The following SLC2A4 variants were observed in gnomAD, a reference collection of about 807,000 sequenced individuals.
SLC2A4 encodes solute carrier family 2, facilitated glucose transporter member 4.
SLC2A4 carries 31 observed loss-of-function variants against 53.3 expected under a neutral mutation model. That is an observed-to-expected ratio of 0.58 (90% CI 0.44 to 0.78). The LOEUF is 0.78. SLC2A4 is among the 30% of genes least tolerant of loss of function. The probability of loss-of-function intolerance (pLI) is 0.00; values close to 1 mark genes in which losing one functional copy is unlikely to be tolerated. For synonymous variants in SLC2A4, 276 were observed against 281.9 expected (o/e 0.98, Z 0.21); for missense variants, 538 against 655.7 (o/e 0.82, Z 1.96).
rs763731483 is a variant in SLC2A4 at position 7,284,866 on chromosome 17, C to A, written c.947C>A (p.Thr316Lys). Residue 316 changes from threonine to lysine, a missense_variant, in exon 8 of 11, where the codon ACA becomes AAA. By Grantham distance (78) the Thr-to-Lys change is moderately conservative (BLOSUM62 -1). Transcript: ENST00000317370. The surrounding 1 kb of genome is among the most constrained non-coding windows in gnomAD (Gnocchi z 7.5). ...VFYYSTSIFE[T>K]AGVGQPAYAT... ...TATTATTCGACCAGCATCTTCGAGA[C>A]AGCAGGGGTAGGCCAGCCTGCCTAT... The A allele has an allele frequency of 1.9e-6, 3 of 1,614,110 alleles. No individual in the cohort carries two copies. Among genetic ancestry groups the A allele is most frequent in the Admixed American group, 3.3e-5 (2 of 60,010 alleles).
rs140103673 is a variant in SLC2A4, at chr17:7,285,715, C to T, written c.1133C>T (p.Pro378Leu). ...CTGTCTGGCCCCTAGGAGCGAGTTC[C>T]AGCCATGAGCTACGTCTCCATTGTG... is the stretch of plus-strand genomic sequence containing the variant. The part of the protein sequence containing the change: ...TVALLLLERV[P>L]AMSYVSIVAI... The change falls in exon 10 of 11, where the codon CCA (proline) becomes CTA (leucine). Residue 378 changes from proline to leucine, a missense_variant. Transcript: ENST00000317370. This position sits in a 1 kb window ranked among gnomAD's most constrained non-coding sequence, Gnocchi z 6.0. The T allele has an allele frequency of 5.0e-6, 8 of 1,614,084 alleles. No individual in the cohort carries two copies. In the African/African-American group the frequency reaches 9.3e-5, roughly 19 times the overall value.
chr17:7,286,254 C>T, intron 10 of SLC2A4, 172 bp from the exon 11 acceptor site: 2 of 743,000 alleles, frequency 2.7e-6, no homozygotes, highest in Non-Finnish European at 4.9e-6. Context: ...TCAGAGAATC[C>T]TCTTTTCAGT....
rs575200733 is a variant in SLC2A4, at chr17:7,286,944, G to C, written c.*315G>C. On this transcript the variant is annotated 3_prime_UTR_variant, in exon 11 of 11. Transcript: ENST00000317370. ...GACTCAGCTCCAGAATACCTTCTTC[G>C]CTGCTAGAGAAGGGGGATTGGAGGG... 3 of 377,056 alleles carry C rather than the reference G, an allele frequency of 8.0e-6. No homozygotes were observed. The highest frequency in any genetic ancestry group is 6.3e-5 in the African/African-American group (3 of 47,784). 23.4% of individuals were successfully genotyped at this position (377,056 alleles called of 1,614,324 possible).
Position 7,285,214 on chromosome 17 carries a change from C to G in SLC2A4, c.1122+25C>G. ...GGTAAGGCCTGGAGGCTAGGAGGGG[C>G]TAGCAGCCCACCCCATGGGAATGGT... On this transcript the variant is annotated intron_variant, in intron 9 of 10. Transcript: ENST00000317370. The surrounding 1 kb of genome is among the most constrained non-coding windows in gnomAD (Gnocchi z 6.0). 6.4e-7 allele frequency: 1 copy of G among 1,551,712 alleles called. No homozygotes were observed. The highest frequency in any genetic ancestry group is 1.3e-5 in the African/African-American group (1 of 74,286).
Position 7,283,897 on chromosome 17 carries a change from T to C in SLC2A4, c.448+35T>C. ...GGCACCACAGCCCTGCCTAGCGCCC[T>C]GTTCTCTTTCACCATGCCTGGGCTT... On this transcript the variant is annotated intron_variant, in intron 4 of 10. Transcript: ENST00000317370. The surrounding 1 kb of genome is among the most constrained non-coding windows in gnomAD (Gnocchi z 5.8). 1.2e-6 allele frequency: 2 copies of C among 1,614,120 alleles called. No individual in the cohort carries two copies. The highest frequency in any genetic ancestry group is 1.1e-5 in the South Asian group (1 of 91,086).
In SLC2A4 at chr17:7,283,384, G is replaced by C; in HGVS notation, c.150+23G>C. ...AAGGTGAGGGCCTGCAGCTGGCAGGGTGGGGGTACCCAAACGAGGAGGACA... is the reference window on the plus strand; with the variant it reads ...AAGGTGAGGGCCTGCAGCTGGCAGGCTGGGGGTACCCAAACGAGGAGGACA... On this transcript the variant is annotated intron_variant, in intron 2 of 10. Transcript: ENST00000317370. The surrounding 1 kb of genome is among the most constrained non-coding windows in gnomAD (Gnocchi z 5.8). 1 of 1,612,078 alleles carries C rather than the reference G, an allele frequency of 6.2e-7. No homozygotes were observed. The highest frequency in any genetic ancestry group is 8.5e-7 in the Non-Finnish European group (1 of 1,178,294).
rs13306763 is a variant in SLC2A4, at chr17:7,284,577, T to A, written c.820T>A (p.Ser274Thr). 6.2e-7 allele frequency: 1 copy of A among 1,614,184 alleles called. No individual in the cohort carries two copies. The highest frequency in any genetic ancestry group is 8.5e-7 in the Non-Finnish European group (1 of 1,180,026). The change falls in exon 7 of 11, where the codon TCC (serine) becomes ACC (threonine). Residue 274 changes from serine to threonine, a missense_variant. Coordinates refer to ENST00000317370, the MANE Select transcript of SLC2A4 (RefSeq NM_001042.3). This position sits in a 1 kb window ranked among gnomAD's most constrained non-coding sequence, Gnocchi z 7.5. ...KRKLERERPLSLLQLLGSRTH... is the reference protein window; with the variant it reads ...KRKLERERPLTLLQLLGSRTH... ...GAAGCTGGAGCGTGAGCGGCCACTGTCCCTGCTCCAGCTCCTGGGCAGCCG... is the reference window on the plus strand; with the variant it reads ...GAAGCTGGAGCGTGAGCGGCCACTGACCCTGCTCCAGCTCCTGGGCAGCCG...
Position 7,283,753 on chromosome 17 carries a change from G to A in SLC2A4, c.339G>A (p.Leu113=), listed in dbSNP as rs1448302253. ...TGCCTGCCAGGAAAAGGGCCATGCTGGTCAACAATGTCCTGGCGGTGCTGG... is the reference window on the plus strand; with the variant it reads ...TGCCTGCCAGGAAAAGGGCCATGCTAGTCAACAATGTCCTGGCGGTGCTGG... The part of the protein sequence containing the change: ...SQWLGRKRAM[L]VNNVLAVLGG... Residue 113 remains leucine (L), a synonymous_variant, in exon 4 of 11, where the codon CTG becomes CTA. Transcript: ENST00000317370. This position sits in a 1 kb window ranked among gnomAD's most constrained non-coding sequence, Gnocchi z 5.8. 3 of 1,613,970 alleles carry A rather than the reference G, an allele frequency of 1.9e-6. No homozygotes were observed. In the African/African-American group the frequency reaches 4.0e-5, roughly 22 times the overall value.
Position 7,284,023 on chromosome 17 carries a change from T to C in SLC2A4, c.498T>C (p.Thr166=). The C allele has an allele frequency of 6.2e-7, 1 of 1,613,960 alleles. No homozygotes were observed. The highest frequency in any genetic ancestry group is 8.5e-7 in the Non-Finnish European group (1 of 1,179,934). ...VPMYVGEIAP[T]HLRGALGTLN... is the part of the protein sequence containing the mutation. ...TGTACGTGGGGGAGATTGCTCCCAC[T>C]CACCTGCGGGGCGCCCTGGGGACGC... Residue 166 remains threonine (T), a synonymous_variant, in exon 5 of 11, where the codon ACT becomes ACC. Transcript: ENST00000317370. This position sits in a 1 kb window ranked among gnomAD's most constrained non-coding sequence, Gnocchi z 7.5.
Position 7,281,833 on chromosome 17 carries a change from C to T in SLC2A4, c.-102C>T. 1 of 1,280,890 alleles carries T rather than the reference C, an allele frequency of 7.8e-7. No homozygotes were observed. 79.3% of individuals were successfully genotyped at this position (1,280,890 alleles called of 1,614,324 possible). A position where few individuals can be genotyped will look rare whatever the true frequency, so the allele number is the denominator to read the frequency against. Reference sequence around the variant, plus strand: ...GCCCTCGCACGTCACTCCGGGACCCCCGCGGCCTCCGCAGGTTCTGCGCTC... The same window carrying T: ...GCCCTCGCACGTCACTCCGGGACCCTCGCGGCCTCCGCAGGTTCTGCGCTC... On this transcript the variant is annotated 5_prime_UTR_variant, in exon 1 of 11. Coordinates refer to ENST00000317370, the MANE Select transcript of SLC2A4 (RefSeq NM_001042.3).
rs371918264 is a variant in SLC2A4, at chr17:7,286,667, C to G, written c.*38C>G. 1 of 1,571,406 alleles carries G rather than the reference C, an allele frequency of 6.4e-7. No homozygotes were observed. Among genetic ancestry groups the G allele is most frequent in the South Asian group, 1.1e-5 (1 of 90,146 alleles). On this transcript the variant is annotated 3_prime_UTR_variant, in exon 11 of 11. Transcript: ENST00000317370. ...GGGTGGGAGAGCCAGCTCTCTCTAC[C>G]CGGCCCAGAGACCCCTTCCTTTCCT...
Position 7,282,407 on chromosome 17 carries a change from C to T in SLC2A4, c.33+440C>T, listed in dbSNP as rs1178904904. 1 of 459,986 alleles carries T rather than the reference C, an allele frequency of 2.2e-6. No homozygotes were observed. The highest frequency in any genetic ancestry group is 4.4e-6 in the Non-Finnish European group (1 of 229,522). The allele number at this position is 459,986 out of a possible 1,614,324, so 28.5% of individuals were successfully genotyped here. On this transcript the variant is annotated intron_variant, in intron 1 of 10. Transcript: ENST00000317370. The surrounding 1 kb of genome is among the most constrained non-coding windows in gnomAD (Gnocchi z 4.1). The stretch of plus-strand genomic sequence containing the variant: ...CCACTCCTGGCCGCCCTCCAGGACG[C>T]TGAACTTTCCCTTGGCCCCATGGTT...
At position 7,284,260 on chromosome 17, in the gene SLC2A4, C is replaced by G; in HGVS notation, c.608C>G (p.Pro203Arg). 6.2e-7 allele frequency: 1 copy of G among 1,613,790 alleles called. No homozygotes were observed. The change falls in exon 6 of 11, where the codon CCA (proline) becomes CGA (arginine). Residue 203 changes from proline (P) to arginine (R), a missense_variant. Coordinates refer to ENST00000317370, the MANE Select transcript of SLC2A4 (RefSeq NM_001042.3). The surrounding 1 kb of genome is among the most constrained non-coding windows in gnomAD (Gnocchi z 7.5). ...CTCCTGGGCACTGCCAGCCTGTGGC[C>G]ACTGCTCCTGGGCCTCACAGTGCTA... ...ESLLGTASLW[P>R]LLLGLTVLPA...
At position 7,285,741 on chromosome 17, in the gene SLC2A4, G is replaced by A. The variant is rs146828718; in HGVS notation, c.1159G>A (p.Ala387Thr). ...AGCCATGAGCTACGTCTCCATTGTG[G>A]CCATCTTTGGCTTCGTGGCATTTTT... ...VPAMSYVSIV[A>T]IFGFVAFFEI... Residue 387 changes from alanine to threonine, a missense_variant, in exon 10 of 11, where the codon GCC (alanine) becomes ACC (threonine). Ala to Thr is a moderately conservative substitution (Grantham distance 58). Transcript: ENST00000317370. The surrounding 1 kb of genome is among the most constrained non-coding windows in gnomAD (Gnocchi z 6.0). 27 of 1,614,102 alleles carry A rather than the reference G, an allele frequency of 1.7e-5. No individual in the cohort carries two copies. The highest frequency in any genetic ancestry group is 2.2e-5 in the Non-Finnish European group (26 of 1,180,042).
chr17:7,281,776 C>A lies in SLC2A4; in HGVS notation c.-159C>A. The A allele has an allele frequency of 1.3e-6, 1 of 754,566 alleles. No homozygotes were observed. Among genetic ancestry groups the A allele is most frequent in the Non-Finnish European group, 2.3e-6 (1 of 428,752 alleles). 46.7% of individuals were successfully genotyped at this position (754,566 alleles called of 1,614,324 possible). A position where few individuals can be genotyped will look rare whatever the true frequency, so the allele number is the denominator to read the frequency against. On this transcript the variant is annotated 5_prime_UTR_variant, in exon 1 of 11. Transcript: ENST00000317370. ...CGGGAGCCCCACTGCTCTCCGGGTC[C>A]TTGGCTTGTGGCTGTGGGTCCCATC...
chr17:7,287,031 A>C lies in SLC2A4; in HGVS notation c.*402A>C, dbSNP rs2072456323. The stretch of plus-strand genomic sequence containing the variant: ...AGCAGAGAGCAGGACAGGAGACAAG[A>C]AATCCAGTTTCCCACCACCTTGGAC... On this transcript the variant is annotated 3_prime_UTR_variant, in exon 11 of 11. Transcript: ENST00000317370. The C allele has an allele frequency of 1.3e-5, 3 of 232,692 alleles. No homozygotes were observed. In the South Asian group the frequency reaches 2.0e-4, roughly 15 times the overall value. 14.4% of individuals were successfully genotyped at this position (232,692 alleles called of 1,614,324 possible).
rs1320869852 is a variant in SLC2A4, at chr17:7,285,299, C to T, written c.1122+110C>T. The stretch of plus-strand genomic sequence containing the variant: ...TTAACACACATGCTTTCAATCCTGG[C>T]GCCAGCTCCGGACCAGGACTGGGGC... On this transcript the variant is annotated intron_variant, in intron 9 of 10. Coordinates refer to ENST00000317370, the MANE Select transcript of SLC2A4 (RefSeq NM_001042.3). The surrounding 1 kb of genome is among the most constrained non-coding windows in gnomAD (Gnocchi z 6.0). The T allele has an allele frequency of 1.1e-5, 10 of 918,184 alleles. No homozygotes were observed. The highest frequency in any genetic ancestry group is 2.6e-5 in the East Asian group (1 of 38,142). 56.9% of individuals were successfully genotyped at this position (918,184 alleles called of 1,614,324 possible).
At chr17:7,286,361 T>C in intron 10 of SLC2A4, 65 bp from the exon 11 acceptor site, 1 of 1,404,306 alleles carries the variant, frequency 7.1e-7, no homozygotes, top group Non-Finnish European at 1.0e-6. Context: ...AGCTCCTGGT[T>C]GCCTGAAACT....
chr17:7,284,510 C>A lies in SLC2A4; in HGVS notation c.753C>A (p.Ala251=), dbSNP rs1330145477. ...GTCTGAAGCGCCTGACAGGCTGGGC[C>A]GATGTTTCTGGAGTGCTGGCTGAGC... ...RKSLKRLTGW[A]DVSGVLAELK... Residue 251 remains alanine, a synonymous_variant, in exon 7 of 11, where the codon GCC becomes GCA. Transcript: ENST00000317370. The surrounding 1 kb of genome is among the most constrained non-coding windows in gnomAD (Gnocchi z 7.5). 1 of 1,614,252 alleles carries A rather than the reference C, an allele frequency of 6.2e-7. No individual in the cohort carries two copies. The highest frequency in any genetic ancestry group is 1.7e-5 in the Admixed American group (1 of 60,028).
Sources: allele counts gnomAD v4.1 joint callset, GRCh38; gene constraint gnomAD v4.1.1; non-coding constraint Gnocchi (gnomAD v3.1); transcripts MANE v1.5; gene names NCBI Gene and HGNC (gene_info 2026-07-23, HGNC 2026-07-21).